ARHGAP22: variants seen among roughly 807,000 people sequenced by gnomAD.
ARHGAP22 encodes Rho GTPase activating protein 22, also known as rho GTPase-activating protein 22.
Under a neutral mutation model 59.1 loss-of-function variants are expected in ARHGAP22, and 48 were observed. The ratio of observed to expected loss-of-function variants is 0.81; its 90% CI spans 0.64 to 1.03. The LOEUF (loss-of-function observed/expected upper bound fraction) is 1.03, where lower values mean the gene tolerates loss of function less well. ARHGAP22 is among the 50% of genes least tolerant of loss of function. ARHGAP22 has a pLI of 0.00. For synonymous variants in ARHGAP22, 445 were observed against 416.4 expected (o/e 1.07, Z -0.84); for missense variants, 1,015 against 958.7 (o/e 1.06, Z -0.78).
At chr10:48,614,126 C>G (rs958246255) in intron 1 of ARHGAP22, among the ~76,000 whole-genome samples, 1 of 152,186 alleles carries the variant, frequency 6.6e-6, no homozygotes, top group African/African-American at 2.4e-5. Flanking sequence ...TCTGTTATAG[C>G]AGCATAAAAT....
intron 3 of ARHGAP22, among the ~76,000 whole-genome samples, chr10:48,534,825 A>G (rs935366337): frequency 1.3e-5 from 2 of 152,178 alleles, no homozygotes; most frequent in South Asian, 2.1e-4. Context: ...CACTTTTACT[A>G]TGTGTGACCC....
At chr10:48,609,152 C>T (rs953788852), upstream of ARHGAP22, among the ~76,000 whole-genome samples, 1 of 152,202 alleles carries the variant, frequency 6.6e-6, no homozygotes, top group Non-Finnish European at 1.5e-5. Flanking sequence ...TTTGTCAGCA[C>T]ACCTCTGGCC....
At chr10:48,579,531 G>A (rs1161346582) in intron 2 of ARHGAP22, among the ~76,000 whole-genome samples, 1 of 152,200 alleles carries the variant, frequency 6.6e-6, no homozygotes. Context: ...TTGAGCTTGT[G>A]CAAGCTGCTT....
At chr10:48,514,607 G>A (rs1190936569) in intron 3 of ARHGAP22, among the ~76,000 whole-genome samples, 1 of 152,038 alleles carries the variant, frequency 6.6e-6, no homozygotes, top group African/African-American at 2.4e-5. Flanking sequence ...ACTCCTTCAG[G>A]AAAAATAAAA....
At chr10:48,501,634 C>T (rs192146371) in intron 3 of ARHGAP22, among the ~76,000 whole-genome samples, 114 of 152,208 alleles carry the variant, frequency 7.5e-4, no homozygotes, top group Non-Finnish European at 1.2e-3. Flanking sequence ...TAGAAATTTA[C>T]TCTTCAGATA....
upstream of ARHGAP22, among the ~76,000 whole-genome samples, chr10:48,655,230 A>G (rs1318249531): frequency 1.1e-5 from 1 of 95,180 alleles, no homozygotes; most frequent in Non-Finnish European, 2.1e-5. Context: ...CACCCACACC[A>G]TGGAGAGTGG....
chr10:48,558,129 C>A (rs920894087), intron 2 of ARHGAP22, among the ~76,000 whole-genome samples: 3 of 152,142 alleles, frequency 2.0e-5, no homozygotes, highest in African/African-American at 7.2e-5. Flanking sequence ...CCCTCCATGG[C>A]CCATTTTATG....
chr10:48,581,794 T>C (rs548763564), intron 2 of ARHGAP22, among the ~76,000 whole-genome samples: 1 of 152,344 alleles, frequency 6.6e-6, no homozygotes, highest in South Asian at 2.1e-4. Context: ...GAAAACTTGG[T>C]ATCTCTATCA....
At chr10:48,621,088 G>A (rs894543633) in intron 1 of ARHGAP22, among the ~76,000 whole-genome samples, 43 of 152,362 alleles carry the variant, frequency 2.8e-4, no homozygotes, top group African/African-American at 9.4e-4. Context: ...CCCAATACAT[G>A]ATTGCCTTTG....
At chr10:48,535,993 T>G (rs1348361711) in intron 3 of ARHGAP22, among the ~76,000 whole-genome samples, 2 of 152,222 alleles carry the variant, frequency 1.3e-5, no homozygotes, top group Non-Finnish European at 2.9e-5. Context: ...TGTGGCCACC[T>G]AGCTGTGGAA....
At chr10:48,435,797 C>T in the ARHGAP22 span, 1 of 152,158 alleles carries the variant, frequency 6.6e-6, no homozygotes, top group African/African-American at 2.4e-5. Context: ...GTGGCATGCT[C>T]AAAGTTTATG....
intron 1 of ARHGAP22, among the ~76,000 whole-genome samples, chr10:48,604,324 G>A (rs1169835101): frequency 1.3e-5 from 2 of 152,234 alleles, no homozygotes; most frequent in African/African-American, 4.8e-5. Flanking sequence ...CAGCGGGAAC[G>A]AAGACCCTCG....
intron 3 of ARHGAP22, among the ~76,000 whole-genome samples, chr10:48,552,287 G>A (rs1564866436): frequency 6.6e-6 from 1 of 152,266 alleles, no homozygotes; most frequent in Non-Finnish European, 1.5e-5. Context: ...GGCATAGCCT[G>A]GAAGTGATCC....
At chr10:48,436,428 G>A in the ARHGAP22 span, 7 of 152,140 alleles carry the variant, frequency 4.6e-5, no homozygotes, top group South Asian at 6.2e-4. Context: ...TTGAAGTCTC[G>A]TTATTTCTGA....
chr10:48,575,825 G>A (rs944119133), intron 2 of ARHGAP22, among the ~76,000 whole-genome samples: 27 of 152,148 alleles, frequency 1.8e-4, no homozygotes, highest in African/African-American at 6.0e-4. Context: ...CTTCTTCCAA[G>A]GCCCCCAGCC....
At chr10:48,584,598 G>A (rs986993508) in intron 1 of ARHGAP22, among the ~76,000 whole-genome samples, 7 of 152,156 alleles carry the variant, frequency 4.6e-5, no homozygotes, top group African/African-American at 1.7e-4. Flanking sequence ...CGTTACTGTG[G>A]GGGGCAAGGA....
chr10:48,468,603 T>G (rs1297251018), intron 4 of ARHGAP22, among the ~76,000 whole-genome samples: 2 of 152,184 alleles, frequency 1.3e-5, no homozygotes, highest in East Asian at 3.9e-4. Flanking sequence ...ATAATCACGT[T>G]GTGTTGTTTT....
upstream of ARHGAP22, among the ~76,000 whole-genome samples, chr10:48,654,927 CTGTT>C (rs1317587777): frequency 7.3e-6 from 1 of 137,610 alleles, no homozygotes; most frequent in African/African-American, 2.7e-5. Flanking sequence ...CCCTTTCTCT[CTGTT>C]TCTCTCTCTC....
At chr10:48,524,014 G>T in intron 3 of ARHGAP22, 1 of 1,448,150 alleles carries the variant, frequency 6.9e-7, no homozygotes, top group Non-Finnish European at 9.1e-7. Flanking sequence ...CTCTGGCGGC[G>T]GCCGCAGGGA....
Sources: gnomAD v4.1 joint callset for allele counts (sites outside exome capture counted in the v4.1 genomes callset) on GRCh38, gnomAD v4.1.1 for gene constraint, MANE v1.5 for transcripts, NCBI Gene and HGNC (gene_info 2026-07-23, HGNC 2026-07-21) for gene names.